Variants in MGAM observed in about 807,000 individuals in gnomAD.
MGAM encodes maltase-glucoamylase.
In MGAM, 253 loss-of-function variants were observed where a neutral mutation model predicts 358.8. That is an observed-to-expected ratio of 0.71 (90% confidence interval 0.64 to 0.78). The LOEUF is 0.78. Ranked by LOEUF, MGAM falls within the 30% of genes least tolerant of loss-of-function variation. The probability of loss-of-function intolerance (pLI) is 0.00; values close to 1 mark genes in which losing one functional copy is unlikely to be tolerated. For missense variants in MGAM, 3,080 were observed against 3,432.6 expected (o/e 0.90, Z 2.57); for synonymous variants, 1,105 against 1,227.1 (o/e 0.90, Z 2.08).
chr7:142,044,573 A>G (rs1232962491), intron 21 of MGAM, among the ~76,000 whole-genome samples: 1 of 134,096 alleles, frequency 7.5e-6, no homozygotes, highest in Non-Finnish European at 1.5e-5. Context: ...CGTGTAATAT[A>G]TGATATATAA....
intron 67 of MGAM, 78 bp downstream of exon 67, chr7:142,099,815 C>T: frequency 6.4e-7 from 1 of 1,557,226 alleles, no homozygotes; most frequent in Admixed American, 1.9e-5. Flanking sequence ...AAAATGTAAG[C>T]ATCACTCTCA....
Position 142,026,274 on chromosome 7 carries a change from A to G in MGAM, c.983-841A>G, listed in dbSNP as rs73740230. Among the ~76,000 whole-genome samples the G allele has an allele frequency of 5.4e-3, 827 of 152,122 alleles. 6 individuals are homozygous for G. Among genetic ancestry groups the G allele is most frequent in the African/African-American group, 0.019 (806 of 41,516 alleles). On this transcript the variant is annotated intron_variant, in intron 8 of 70. Coordinates refer to ENST00000475668, the MANE Select transcript of MGAM (RefSeq NM_001365693.1). ...AGTTACCTCCATGTCTAGTTGAATT[A>G]TATTCTCACAATAATGACGGGGTAT...
At chr7:142,050,941 A>G (rs1302577828) in intron 24 of MGAM, 77 bp downstream of exon 24, 4 of 1,599,902 alleles carry the variant, frequency 2.5e-6, no homozygotes, top group Middle Eastern at 1.7e-4. Context: ...CCAAGTTTGC[A>G]TGGGTCCCTG....
At chr7:142,046,393 G>T (rs1420400324) in intron 21 of MGAM, among the ~76,000 whole-genome samples, 1 of 151,650 alleles carries the variant, frequency 6.6e-6, no homozygotes, top group Non-Finnish European at 1.5e-5. Flanking sequence ...TCTTATAACT[G>T]TGGGTCTCAT....
At chr7:142,011,864 C>T (rs1805627417) in intron 3 of MGAM, among the ~76,000 whole-genome samples, 1 of 152,148 alleles carries the variant, frequency 6.6e-6, no homozygotes, top group Non-Finnish European at 1.5e-5. Flanking sequence ...AAAGTCTTTG[C>T]TGTTAGACTT....
chr7:142,075,534 T>C (rs1273046166), intron 45 of MGAM, among the ~76,000 whole-genome samples: 1 of 146,450 alleles, frequency 6.8e-6, no homozygotes, highest in Admixed American at 6.9e-5. Context: ...TTGCAAACCA[T>C]ATATCTCAGA....
intron 17 of MGAM, among the ~76,000 whole-genome samples, chr7:142,036,604 G>A (rs1554465907): frequency 6.6e-6 from 1 of 152,174 alleles, no homozygotes; most frequent in Non-Finnish European, 1.5e-5. Flanking sequence ...TATTTAAATT[G>A]CAGCCTCCCA....
intron 1 of MGAM, among the ~76,000 whole-genome samples, chr7:142,001,580 G>A (rs1019855842): frequency 6.6e-6 from 1 of 152,200 alleles, no homozygotes; most frequent in African/African-American, 2.4e-5. Context: ...GGAGAAAGTA[G>A]GCCTTGTATA....
At chr7:142,032,409 G>A (rs931088866) in intron 13 of MGAM, among the ~76,000 whole-genome samples, 13 of 151,890 alleles carry the variant, frequency 8.6e-5, no homozygotes, top group African/African-American at 3.1e-4. Flanking sequence ...ATTTATTATC[G>A]ATACGTTGGA....
chr7:142,104,289 G>A (rs987555824), intron 70 of MGAM, among the ~76,000 whole-genome samples: 11 of 152,164 alleles, frequency 7.2e-5, no homozygotes, highest in Non-Finnish European at 1.5e-4. Flanking sequence ...CTGCCTCAAC[G>A]TAATTTAAAA....
intron 1 of MGAM, among the ~76,000 whole-genome samples, chr7:142,002,692 C>G (rs1389468694): frequency 6.6e-6 from 1 of 151,978 alleles, no homozygotes; most frequent in South Asian, 2.1e-4. Context: ...TGCCCATTGT[C>G]ACCACTCATA....
rs775708737 is a variant in MGAM at position 142,084,718 on chromosome 7, T to C, written c.6507+74T>C. ...TCTGTGTCTGGCTTCATTTGTCTAA[T>C]GTTTGTGAGATTCTATAAAGACATA... On this transcript the variant is annotated intron_variant, in intron 54 of 70. Coordinates refer to ENST00000475668, the MANE Select transcript of MGAM (RefSeq NM_001365693.1). 1.1e-5 allele frequency: 16 copies of C among 1,487,722 alleles called. 2 individuals carry two copies. Among genetic ancestry groups the C allele is most frequent in the Non-Finnish European group, 1.4e-5 (15 of 1,085,628 alleles). 92.2% of individuals were successfully genotyped at this position (1,487,722 alleles called of 1,614,324 possible).
At chr7:142,008,781 TG>T in intron 3 of MGAM, 76 bp downstream of exon 3, 2 of 1,493,344 alleles carry the variant, frequency 1.3e-6, no homozygotes, top group Non-Finnish European at 9.1e-7. Context: ...TGTTTTGTTT[TG>T]GTTTTCTTTA....
At position 142,074,178 on chromosome 7, in the gene MGAM, G is replaced by A; in HGVS notation, c.5275+5G>A. On this transcript the variant is annotated splice_donor_5th_base_variant and intron_variant, in intron 45 of 70. Coordinates refer to ENST00000475668, the MANE Select transcript of MGAM (RefSeq NM_001365693.1). ...GGGATGATGGGCAAACAAAGGGTGA[G>A]CGCTGTTACAATAATGTTGCTGTTT... 1 of 1,514,112 alleles carries A rather than the reference G, an allele frequency of 6.6e-7. No individual in the cohort carries two copies. Among genetic ancestry groups the A allele is most frequent in the Non-Finnish European group, 9.1e-7 (1 of 1,103,404 alleles). The allele number at this position is 1,514,112 out of a possible 1,614,324, so 93.8% of individuals were successfully genotyped here.
rs1283346260 is a variant in MGAM, at chr7:142,045,272, AT to A, written c.2499-2512del. Among the ~76,000 whole-genome samples the A allele has an allele frequency of 4.9e-5, 4 of 80,818 alleles. No homozygotes were observed. The Admixed American group carries it at 6.7e-4, about 14-fold the overall frequency. The allele number at this position is 80,818 out of a possible 152,430, so 53.0% of individuals were successfully genotyped here. ...ATATGATATATAATATATATTATAT[AT>A]ACCTATAATATATGATATATAATAT... On this transcript the variant is annotated intron_variant, in intron 21 of 70. Coordinates refer to ENST00000475668, the MANE Select transcript of MGAM (RefSeq NM_001365693.1).
chr7:142,021,396 G>C (rs1414126190), intron 5 of MGAM, among the ~76,000 whole-genome samples, 190 bp from the exon 6 acceptor site: 1 of 152,148 alleles, frequency 6.6e-6, no homozygotes, highest in Non-Finnish European at 1.5e-5. Context: ...GATGTGCTCT[G>C]TATGTCTCTA....
intron 26 of MGAM, 71 bp downstream of exon 26, chr7:142,053,055 CACAGA>C: frequency 6.7e-7 from 1 of 1,491,860 alleles, no homozygotes; most frequent in Non-Finnish European, 9.2e-7. Flanking sequence ...TGGTCTGGAT[CACAGA>C]ACCCTAAAAT....
At chr7:142,045,401 T>TAA (rs1563157753) in intron 21 of MGAM, among the ~76,000 whole-genome samples, 6 of 48,952 alleles carry the variant, frequency 1.2e-4, no homozygotes, top group Non-Finnish European at 2.7e-4. Context: ...ACATGATATA[T>TAA]TATATATATT....
chr7:142,038,454 G>A, intron 18 of MGAM, 77 bp from the exon 19 acceptor site: 1 of 1,130,504 alleles, frequency 8.8e-7, no homozygotes, highest in Non-Finnish European at 1.3e-6. Flanking sequence ...CTTTCAACAG[G>A]TTGTGTGTGA....
Sources: gnomAD v4.1 joint callset for allele counts (sites outside exome capture counted in the v4.1 genomes callset) on GRCh38, gnomAD v4.1.1 for gene constraint, MANE v1.5 for transcripts, NCBI Gene and HGNC (gene_info 2026-07-23, HGNC 2026-07-21) for gene names.